The following USHBP1 variants were observed in gnomAD, a reference collection of about 807,000 sequenced individuals.
USHBP1 encodes harmonin-binding protein USHBP1.
USHBP1 carries 67 observed loss-of-function variants against 76.2 expected under a neutral mutation model. The observed-to-expected ratio is 0.88, with a 90% confidence interval of 0.72 to 1.08. The LOEUF is 1.08. Ranked by LOEUF, USHBP1 falls within the 50% of genes least tolerant of loss-of-function variation. The probability of loss-of-function intolerance (pLI) is 0.00; values close to 1 mark genes in which losing one functional copy is unlikely to be tolerated. For synonymous variants in USHBP1, 322 were observed against 362.2 expected, an observed-to-expected ratio of 0.89 and a Z score of 1.26; for missense variants, 931 against 915.0, an observed-to-expected ratio of 1.02 and a Z score of -0.23.
chr19:17,251,389 C>T (rs1285062372), intron 12 of USHBP1, among the ~76,000 whole-genome samples, 193 bp downstream of exon 12: 2 of 152,054 alleles, frequency 1.3e-5, no homozygotes, highest in Non-Finnish European at 2.9e-5. Flanking sequence ...GTCTCAAACT[C>T]CTGACCTCAA....
In USHBP1 at chr19:17,258,388, G is replaced by A; in HGVS notation, c.1047-3C>T. 6.2e-7 allele frequency: 1 copy of A among 1,612,422 alleles called. No homozygotes were observed. Among genetic ancestry groups the A allele is most frequent in the Non-Finnish European group, 8.5e-7 (1 of 1,179,402 alleles). ...TGTATGCCTCTTCACAGTGTTCACT[G>A]TGGGACACTGGTTCTGAGTGCTTCA... On this transcript the variant is annotated splice_region_variant and splice_polypyrimidine_tract_variant and intron_variant, in intron 7 of 12. Transcript: ENST00000252597.
Position 17,262,977 on chromosome 19 carries a change from T to C in USHBP1, c.217A>G (p.Met73Val), listed in dbSNP as rs1330520362. 6.6e-7 allele frequency: 1 copy of C among 1,519,958 alleles called. No homozygotes were observed. 94.2% of individuals were successfully genotyped at this position (1,519,958 alleles called of 1,614,324 possible). ...AGTTCCCTGCCAGAGCCCCCATCCA[T>C]CTTCTTGTCAGTCCTGTGGACACCA... is the stretch of plus-strand genomic sequence containing the variant. ...QGLGSRTDKK[M>V]DGGSGRELAS... Residue 73 changes from methionine to valine, a missense_variant, in exon 4 of 13, where the codon ATG becomes GTG. Transcript: ENST00000252597.
Position 17,264,372 on chromosome 19 carries a change from T to C in USHBP1, c.-48-25A>G, listed in dbSNP as rs1224541763. 4.0e-6 allele frequency: 6 copies of C among 1,497,852 alleles called. No individual in the cohort carries two copies. The East Asian group carries it at 1.5e-4, about 37-fold the overall frequency. 92.8% of individuals were successfully genotyped at this position (1,497,852 alleles called of 1,614,324 possible). ...CCTAAAACCACAGCCTGCCATGAGCTCTTGCCTTTGTTGTCCTGGACAAAG... is the reference window on the plus strand; with the variant it reads ...CCTAAAACCACAGCCTGCCATGAGCCCTTGCCTTTGTTGTCCTGGACAAAG... On this transcript the variant is annotated intron_variant, in intron 1 of 12. Coordinates refer to ENST00000252597, the MANE Select transcript of USHBP1 (RefSeq NM_031941.4).
rs781401061 is a variant in USHBP1 at position 17,264,335 on chromosome 19, C to G, written c.-36G>C. The G allele has an allele frequency of 6.3e-7, 1 of 1,581,982 alleles. No individual in the cohort carries two copies. The highest frequency in any genetic ancestry group is 2.3e-5 in the East Asian group (1 of 43,552). On this transcript the variant is annotated 5_prime_UTR_variant, in exon 2 of 13. Coordinates refer to ENST00000252597, the MANE Select transcript of USHBP1 (RefSeq NM_031941.4). ...AAGCCAGTGCCCTCTGAATGCTTCT[C>G]CTTCGTCAACCCCTAAAACCACAGC...
chr19:17,263,803 T>A, intron 3 of USHBP1, 199 bp downstream of exon 3: 2 of 614,718 alleles, frequency 3.3e-6, no homozygotes, highest in East Asian at 3.2e-5. Flanking sequence ...GAGGCAGGGG[T>A]TGCTGTGAGC....
chr19:17,261,825 C>T (rs2073693200), intron 4 of USHBP1, among the ~76,000 whole-genome samples: 1 of 151,788 alleles, frequency 6.6e-6, no homozygotes, highest in African/African-American at 2.4e-5. Flanking sequence ...GCTGGGATTG[C>T]AGGCACGTGC....
chr19:17,264,265 C>T lies in USHBP1; in HGVS notation c.35G>A (p.Arg12Gln), dbSNP rs373915965. The change falls in exon 2 of 13, where the codon CGA (arginine) becomes CAA (glutamine). Residue 12 changes from arginine (R) to glutamine (Q), a missense_variant. Arg to Gln is a conservative substitution (Grantham distance 43). Transcript: ENST00000252597. Reference sequence around the variant, plus strand: ...ACTTACGGGTGGAGCATGCCTCCCTCGCCGGCTTCGGGGCCGCGTGGCCCG... The same window carrying T: ...ACTTACGGGTGGAGCATGCCTCCCTTGCCGGCTTCGGGGCCGCGTGGCCCG... Reference protein sequence around the residue: ...SARATRPRSRRGRHAPPGELD... With the variant: ...SARATRPRSRQGRHAPPGELD... 65 of 1,613,642 alleles carry T rather than the reference C, an allele frequency of 4.0e-5. No homozygotes were observed. The highest frequency in any genetic ancestry group is 5.3e-5 in the African/African-American group (4 of 74,930).
rs1424196360 is a variant in USHBP1, at chr19:17,258,302, T to C, written c.1130A>G (p.Asp377Gly). The change falls in exon 8 of 13, where the codon GAC (aspartate) becomes GGC (glycine). Residue 377 changes from aspartate (D) to glycine (G), a missense_variant. Physicochemically the swap from Asp to Gly is moderately conservative, Grantham distance 94. Transcript: ENST00000252597. ...SGAGDEAPMS[D>G]LQAAEKEAWR... ...TGCTTCCTTTTCAGCTGCTTGCAGG[T>C]CACTCATGGGGGCTTCGTCTCCTGC... 6.2e-7 allele frequency: 1 copy of C among 1,614,096 alleles called. No individual in the cohort carries two copies.
rs1278406068 is a variant in USHBP1, at chr19:17,259,736, C to T, written c.769-4G>A. The T allele has an allele frequency of 1.9e-6, 3 of 1,606,988 alleles. No homozygotes were observed. Among genetic ancestry groups the T allele is most frequent in the Non-Finnish European group, 1.7e-6 (2 of 1,177,018 alleles). ...GGTGAGCCAGGGAGAAGGAGTCCTGCCAAGAAGAAGTGATATAACTGACCC... is the reference window on the plus strand; with the variant it reads ...GGTGAGCCAGGGAGAAGGAGTCCTGTCAAGAAGAAGTGATATAACTGACCC... On this transcript the variant is annotated splice_polypyrimidine_tract_variant and splice_region_variant and intron_variant, in intron 5 of 12. Transcript: ENST00000252597.
At position 17,250,066 on chromosome 19, in the gene USHBP1, C is replaced by T; in HGVS notation, c.*159G>A. ...CCTGAGTCTTTCTTCATTGCCTGGC[C>T]ACACCCCATCAGGCCCTGGACACCC... is the stretch of plus-strand genomic sequence containing the variant. On this transcript the variant is annotated 3_prime_UTR_variant, in exon 13 of 13. Coordinates refer to ENST00000252597, the MANE Select transcript of USHBP1 (RefSeq NM_031941.4). 1.3e-6 allele frequency: 1 copy of T among 757,316 alleles called. No homozygotes were observed. Among genetic ancestry groups the T allele is most frequent in the Non-Finnish European group, 2.1e-6 (1 of 483,498 alleles). The allele number at this position is 757,316 out of a possible 1,614,324, so 46.9% of individuals were successfully genotyped here.
At position 17,262,905 on chromosome 19, in the gene USHBP1, G is replaced by A. The variant is rs2073708687; in HGVS notation, c.289C>T (p.Gln97Ter). The change falls in exon 4 of 13, where the codon CAA (glutamine) becomes TAA (stop). Residue 97 changes from glutamine (Q) to a stop codon, truncating the protein, a stop_gained. Transcript: ENST00000252597. LOFTEE classifies it high-confidence loss of function. ...TACTGTAGGGCTGCTTCTGGGGCTT[G>A]GTGGGCTTCCACTGCAGGTTTGTGG... ...VPHKPAVEAH[Q>*]APEAALQYKE... 3.2e-6 allele frequency: 5 copies of A among 1,579,440 alleles called. No homozygotes were observed. The highest frequency in any genetic ancestry group is 4.3e-6 in the Non-Finnish European group (5 of 1,160,394).
intron 10 of USHBP1, 126 bp from the exon 11 acceptor site, chr19:17,252,143 G>T: frequency 1.2e-6 from 1 of 824,028 alleles, no homozygotes; most frequent in Non-Finnish European, 1.9e-6. Context: ...CATCTGGTTC[G>T]ATATACCAAT....
intron 10 of USHBP1, among the ~76,000 whole-genome samples, chr19:17,254,661 A>G (rs1315189483): frequency 1.3e-5 from 2 of 151,934 alleles, no homozygotes; most frequent in Non-Finnish European, 2.9e-5. Context: ...TGTCTCAAAA[A>G]AAAAAAAAAG....
chr19:17,250,453 G>A lies in USHBP1; in HGVS notation c.1923-39C>T, dbSNP rs143585841. ...GTGGCTGGGTCAGGAAACAGCCCCC[G>A]AGTCCACCCAAGGCAAGGGCCGTGT... On this transcript the variant is annotated intron_variant, in intron 12 of 12. Transcript: ENST00000252597. 2.1e-3 allele frequency: 3,271 copies of A among 1,593,858 alleles called. 41 individuals are homozygous for A. In the African/African-American group the frequency reaches 0.033, roughly 16 times the overall value.
At chr19:17,253,808 C>T (rs1166435780) in intron 10 of USHBP1, among the ~76,000 whole-genome samples, 2 of 148,660 alleles carry the variant, frequency 1.3e-5, no homozygotes, top group Admixed American at 6.7e-5. Flanking sequence ...GCAGGAGAAT[C>T]GCTTGAACCT....
intron 9 of USHBP1, 138 bp downstream of exon 9, chr19:17,256,333 A>G: frequency 7.5e-7 from 1 of 1,338,392 alleles, no homozygotes; most frequent in Non-Finnish European, 1.0e-6. Context: ...ATCCCTCAAA[A>G]CCCCAGCTCC....
At chr19:17,252,642 G>A (rs373350871) in intron 10 of USHBP1, among the ~76,000 whole-genome samples, 39 of 151,712 alleles carry the variant, frequency 2.6e-4, no homozygotes, top group African/African-American at 7.0e-4. Context: ...CAGGAGAATC[G>A]CTTGAACTTG....
intron 10 of USHBP1, among the ~76,000 whole-genome samples, chr19:17,252,960 T>A (rs958369434): frequency 1.3e-5 from 2 of 152,000 alleles, no homozygotes; most frequent in Non-Finnish European, 2.9e-5. Context: ...GTCTAATCCT[T>A]GTTTGAAATA....
intron 1 of USHBP1, 96 bp downstream of exon 1, chr19:17,264,575 T>C (rs2073730451): frequency 4.0e-6 from 2 of 497,102 alleles, no homozygotes; most frequent in East Asian, 7.0e-5. Context: ...ACTACGTCTT[T>C]GTCCACTTTC....
Sources: gnomAD v4.1 joint callset for allele counts (sites outside exome capture counted in the v4.1 genomes callset) on GRCh38, gnomAD v4.1.1 for gene constraint, MANE v1.5 for transcripts, NCBI Gene and HGNC (gene_info 2026-07-23, HGNC 2026-07-21) for gene names.